OTOP1: variants seen among roughly 807,000 people sequenced by gnomAD.
OTOP1 encodes proton channel OTOP1.
OTOP1 carries 59 observed loss-of-function variants against 52.9 expected under a neutral mutation model. The observed-to-expected ratio is 1.12, with a 90% CI of 0.91 to 1.39. OTOP1 has a LOEUF of 1.39. Among genes scored for constraint, OTOP1 ranks in the 40% most tolerant of loss-of-function variants. The pLI is 0.00. For synonymous variants in OTOP1, 317 were observed against 337.7 expected, an observed-to-expected ratio of 0.94 and a Z score of 0.67; for missense variants, 761 against 800.9, an observed-to-expected ratio of 0.95 and a Z score of 0.60.
At chr4:4,220,066 CAT>C (rs1717261628) in intron 1 of OTOP1, among the ~76,000 whole-genome samples, 1 of 123,492 alleles carries the variant, frequency 8.1e-6, no homozygotes, top group Non-Finnish European at 1.6e-5. Flanking sequence ...CGTGTATATA[CAT>C]ATATATGTAT....
rs1716727682 is a variant in OTOP1 at position 4,199,365 on chromosome 4, T to C, written c.731-1262A>G. ...GATACTAAACAGCCACTGCACATTA[T>C]AATTAAGATGTGCTTTATGGTTTGG... On this transcript the variant is annotated intron_variant, in intron 4 of 5. Transcript: ENST00000296358. 1.3e-5 allele frequency among the ~76,000 whole-genome samples: 2 copies of C among 151,856 alleles called. 1 individual carries two copies. Among genetic ancestry groups the C allele is most frequent in the South Asian group, 4.2e-4 (2 of 4,800 alleles).
chr4:4,206,735 G>A (rs1716914065), intron 2 of OTOP1, among the ~76,000 whole-genome samples: 1 of 152,162 alleles, frequency 6.6e-6, no homozygotes, highest in African/African-American at 2.4e-5. Flanking sequence ...ATGGCCTTGG[G>A]CAAGTCAGGG....
At chr4:4,198,988 C>T (rs79088085) in intron 4 of OTOP1, among the ~76,000 whole-genome samples, 2 of 152,046 alleles carry the variant, frequency 1.3e-5, no homozygotes, top group South Asian at 2.1e-4. Context: ...GTCAGGAGTT[C>T]GAGACCAGCC....
chr4:4,197,520 G>T lies in OTOP1; in HGVS notation c.1314C>A (p.Ile438=). 1 of 1,614,102 alleles carries T rather than the reference G, an allele frequency of 6.2e-7. No individual in the cohort carries two copies. The highest frequency in any genetic ancestry group is 8.5e-7 in the Non-Finnish European group (1 of 1,180,014). The part of the protein sequence containing the change: ...YSILAIVEKY[I]QNLFIFESIH... ...TGGATTCAAAGATGAAGAGGTTCTG[G>T]ATGTACTTCTCCACGATCGCCAGGA... Residue 438 remains isoleucine, a synonymous_variant, in exon 5 of 6, where the codon ATC becomes ATA. Transcript: ENST00000296358.
intron 5 of OTOP1, among the ~76,000 whole-genome samples, chr4:4,192,196 C>T (rs1220804657): frequency 1.3e-5 from 2 of 152,112 alleles, no homozygotes; most frequent in Non-Finnish European, 2.9e-5. Context: ...GCTCTGGGGC[C>T]CTGAACCACC....
At chr4:4,192,707 G>C (rs923507736) in intron 5 of OTOP1, among the ~76,000 whole-genome samples, 1 of 152,130 alleles carries the variant, frequency 6.6e-6, no homozygotes, top group Admixed American at 6.5e-5. Flanking sequence ...TGAAGGCAGG[G>C]GTCACACTTG....
chr4:4,207,678 T>C (rs944165610), intron 2 of OTOP1, among the ~76,000 whole-genome samples: 1 of 152,164 alleles, frequency 6.6e-6, no homozygotes, highest in Non-Finnish European at 1.5e-5. Flanking sequence ...AGCAGCATTA[T>C]TCACAATAGC....
At chr4:4,221,431 A>G (rs1717299138) in intron 1 of OTOP1, among the ~76,000 whole-genome samples, 2 of 151,906 alleles carry the variant, frequency 1.3e-5, no homozygotes, top group African/African-American at 4.9e-5. Flanking sequence ...CTTATTTAAA[A>G]ATAAAAATAA....
At chr4:4,202,214 C>T (rs1460402770) in intron 4 of OTOP1, among the ~76,000 whole-genome samples, 5 of 152,204 alleles carry the variant, frequency 3.3e-5, no homozygotes, top group Admixed American at 6.5e-5. Context: ...CACCGTGGGT[C>T]TTACAAGTCC....
Position 4,198,104 on chromosome 4 carries a change from C to G in OTOP1, c.731-1G>C. 6.2e-7 allele frequency: 1 copy of G among 1,608,420 alleles called. No homozygotes were observed. Among genetic ancestry groups the G allele is most frequent in the Non-Finnish European group, 8.5e-7 (1 of 1,175,040 alleles). Reference sequence around the variant, plus strand: ...CACTGCGGTGTGTGGTCATCTAAAACTAGGGGAGACAGGTAGATCACACAG... The same window carrying G: ...CACTGCGGTGTGTGGTCATCTAAAAGTAGGGGAGACAGGTAGATCACACAG... On this transcript the variant is annotated splice_acceptor_variant, in intron 4 of 5. Coordinates refer to ENST00000296358, the MANE Select transcript of OTOP1 (RefSeq NM_177998.3). LOFTEE classifies it high-confidence loss of function.
intron 1 of OTOP1, among the ~76,000 whole-genome samples, chr4:4,224,393 G>A (rs1327716707): frequency 6.6e-6 from 1 of 150,946 alleles, no homozygotes; most frequent in African/African-American, 2.4e-5. Flanking sequence ...GGAAGGCGAG[G>A]GAATAGGGAG....
intron 2 of OTOP1, among the ~76,000 whole-genome samples, chr4:4,209,984 C>G (rs1211301139): frequency 6.6e-6 from 1 of 152,238 alleles, no homozygotes; most frequent in East Asian, 1.9e-4. Flanking sequence ...TGGCAGAAAT[C>G]GACCCTCACC....
At chr4:4,210,556 C>T (rs1270510518) in intron 2 of OTOP1, among the ~76,000 whole-genome samples, 2 of 152,154 alleles carry the variant, frequency 1.3e-5, no homozygotes, top group African/African-American at 4.8e-5. Flanking sequence ...CAGGGCCAGA[C>T]GCGGTGCCTC....
intron 1 of OTOP1, among the ~76,000 whole-genome samples, chr4:4,215,414 C>A (rs1717119078): frequency 6.6e-6 from 1 of 152,176 alleles, no homozygotes; most frequent in Non-Finnish European, 1.5e-5. Context: ...GTAATCCCAG[C>A]ACTTTGGGAT....
At chr4:4,224,393 G>T (rs1327716707) in intron 1 of OTOP1, among the ~76,000 whole-genome samples, 2 of 150,946 alleles carry the variant, frequency 1.3e-5, no homozygotes, top group African/African-American at 4.9e-5. Flanking sequence ...GGAAGGCGAG[G>T]GAATAGGGAG....
intron 2 of OTOP1, among the ~76,000 whole-genome samples, chr4:4,206,714 C>A (rs1202107145): frequency 6.6e-6 from 1 of 152,196 alleles, no homozygotes; most frequent in African/African-American, 2.4e-5. Context: ...GACTTCCTCA[C>A]TGAATAGCCC....
chr4:4,200,598 G>A (rs1343290286), intron 4 of OTOP1, among the ~76,000 whole-genome samples: 9 of 150,246 alleles, frequency 6.0e-5, no homozygotes, highest in Non-Finnish European at 1.2e-4. Flanking sequence ...CTGTTGCCCA[G>A]GCTGGAGTGC....
At chr4:4,222,530 A>G (rs966176787) in intron 1 of OTOP1, among the ~76,000 whole-genome samples, 1 of 152,092 alleles carries the variant, frequency 6.6e-6, no homozygotes, top group African/African-American at 2.4e-5. Context: ...CCCGCATCTG[A>G]TTTTTTGGCA....
chr4:4,220,991 C>T (rs1412247729), intron 1 of OTOP1, among the ~76,000 whole-genome samples: 2 of 151,990 alleles, frequency 1.3e-5, no homozygotes, highest in South Asian at 2.1e-4. Context: ...TCTCTCAAAG[C>T]GTACCCTACC....
Sources: gnomAD v4.1 joint callset for allele counts (sites outside exome capture counted in the v4.1 genomes callset) on GRCh38, gnomAD v4.1.1 for gene constraint, MANE v1.5 for transcripts, NCBI Gene and HGNC (gene_info 2026-07-23, HGNC 2026-07-21) for gene names.